Variants in ZNF704 observed in about 807,000 individuals in gnomAD.
The protein encoded by ZNF704 is zinc finger protein 704, also known as glucocorticoid induced gene 1.
ZNF704 carries 10 observed loss-of-function variants against 44.7 expected under a neutral mutation model. The observed-to-expected ratio is 0.22, with a 90% CI of 0.14 to 0.38. The LOEUF is 0.38. Among genes scored for constraint, ZNF704 ranks in the 10% least tolerant of loss-of-function variants. The pLI, the probability that ZNF704 is intolerant of heterozygous loss-of-function variation, is 1.00. For synonymous variants in ZNF704, 211 were observed against 207.6 expected, an observed-to-expected ratio of 1.02 and a Z score of -0.14; for missense variants, 390 against 545.5, an observed-to-expected ratio of 0.71 and a Z score of 2.84.
At chr8:80,701,572 C>T (rs927312082) in intron 2 of ZNF704, among the ~76,000 whole-genome samples, 5 of 152,132 alleles carry the variant, frequency 3.3e-5, no homozygotes, top group Non-Finnish European at 7.3e-5. Flanking sequence ...TGGCCCTTCT[C>T]TATTAATAGG....
At chr8:80,878,499 A>T (rs914988690), upstream of ZNF704, among the ~76,000 whole-genome samples, 1 of 152,236 alleles carries the variant, frequency 6.6e-6, no homozygotes, top group Non-Finnish European at 1.5e-5. Context: ...TGTTGAGATT[A>T]GTAGCTCCTT....
At chr8:80,781,464 C>A (rs1807521960) in intron 2 of ZNF704, among the ~76,000 whole-genome samples, 2 of 152,086 alleles carry the variant, frequency 1.3e-5, no homozygotes, top group African/African-American at 2.4e-5. Context: ...AAATATTATT[C>A]TTCTTTTGAT....
At chr8:80,669,545 T>C (rs1361116953) in intron 5 of ZNF704, among the ~76,000 whole-genome samples, 1 of 152,210 alleles carries the variant, frequency 6.6e-6, no homozygotes. Context: ...CCTCATAGAT[T>C]ACCTTAGAAG....
intron 2 of ZNF704, among the ~76,000 whole-genome samples, chr8:80,775,186 T>C (rs1168360274): frequency 6.6e-6 from 1 of 152,214 alleles, no homozygotes; most frequent in Non-Finnish European, 1.5e-5. Context: ...GTTGGTATTC[T>C]TGCTAAAATT....
chr8:80,651,388 C>G (rs1004005270), intron 7 of ZNF704, among the ~76,000 whole-genome samples: 7 of 152,310 alleles, frequency 4.6e-5, no homozygotes, highest in Non-Finnish European at 7.3e-5. Context: ...GATAAAGAGT[C>G]AAGACCCATC....
intron 1 of ZNF704, chr8:80,873,732 G>T: frequency 6.5e-6 from 1 of 153,170 alleles, no homozygotes. Context: ...ACACGCCCGA[G>T]CCCCCTCCGC....
intron 2 of ZNF704, among the ~76,000 whole-genome samples, chr8:80,812,784 C>T (rs1808110566): frequency 1.3e-5 from 2 of 152,116 alleles, no homozygotes; most frequent in African/African-American, 2.4e-5. Flanking sequence ...ATATAGTTCA[C>T]ATTAAATTTC....
At chr8:80,784,727 C>T (rs144716740) in intron 2 of ZNF704, among the ~76,000 whole-genome samples, 1 of 152,158 alleles carries the variant, frequency 6.6e-6, no homozygotes, top group Admixed American at 6.6e-5. Flanking sequence ...TTTTGCAGAG[C>T]AGAAGTTTTT....
chr8:80,645,079 C>A (rs1325238209), intron 7 of ZNF704: 2 of 1,528,190 alleles, frequency 1.3e-6, no homozygotes, highest in African/African-American at 1.4e-5. Context: ...GTTTTAGGGA[C>A]CAGCTTGGCT....
intron 2 of ZNF704, among the ~76,000 whole-genome samples, chr8:80,714,953 T>G (rs946143836): frequency 6.6e-6 from 1 of 152,172 alleles, no homozygotes; most frequent in African/African-American, 2.4e-5. Flanking sequence ...TCAATTCAAC[T>G]GATTCCATGG....
chr8:80,669,982 C>G (rs1266701851), intron 5 of ZNF704, among the ~76,000 whole-genome samples: 1 of 152,188 alleles, frequency 6.6e-6, no homozygotes, highest in Non-Finnish European at 1.5e-5. Flanking sequence ...ACAGCAGCAT[C>G]GATTGGTGTG....
At chr8:80,837,110 A>G (rs1423352750) in intron 1 of ZNF704, among the ~76,000 whole-genome samples, 1 of 152,236 alleles carries the variant, frequency 6.6e-6, no homozygotes, top group Non-Finnish European at 1.5e-5. Context: ...ATAGATGCCA[A>G]GTTCCTAGGG....
In ZNF704 at chr8:80,800,108, C is replaced by A. The variant is rs551646805; in HGVS notation, c.221+21266G>T. Among the ~76,000 whole-genome samples the A allele has an allele frequency of 1.5e-4, 23 of 152,000 alleles. No homozygotes were observed. The South Asian group carries it at 4.6e-3, about 30-fold the overall frequency. ...ATCTTTCTGAAATAAGACAGGCAGA[C>A]AAGAACAGAGAAAAAATAACGAAAA... is the stretch of plus-strand genomic sequence containing the variant. On this transcript the variant is annotated intron_variant, in intron 2 of 8. Coordinates refer to ENST00000327835, the MANE Select transcript of ZNF704 (RefSeq NM_001033723.3).
chr8:80,883,211 A>C, the ZNF704 span, among the ~76,000 whole-genome samples: 1 of 146,500 alleles, frequency 6.8e-6, no homozygotes, highest in African/African-American at 2.5e-5. Flanking sequence ...ACGCCACTGC[A>C]CTCCAACCTG....
Position 80,823,125 on chromosome 8 carries a change from C to T in ZNF704, c.-21-1510G>A, listed in dbSNP as rs1586053415. ...CAGCCCACAGAGCAGGGTGGGGCAT[C>T]GCCTCATCCGGGAAGTGCAAAGGGT... On this transcript the variant is annotated intron_variant, in intron 1 of 8. Coordinates refer to ENST00000327835, the MANE Select transcript of ZNF704 (RefSeq NM_001033723.3). 7.2e-5 allele frequency among the ~76,000 whole-genome samples: 11 copies of T among 152,248 alleles called. No homozygotes were observed. In the South Asian group the frequency reaches 2.1e-3, roughly 29 times the overall value.
At chr8:80,705,495 T>C (rs1818882127) in intron 2 of ZNF704, among the ~76,000 whole-genome samples, 1 of 151,610 alleles carries the variant, frequency 6.6e-6, no homozygotes, top group African/African-American at 2.4e-5. Flanking sequence ...GGGTCCTCTG[T>C]GTGTGTGTGT....
chr8:80,713,672 A>G (rs975248118), intron 2 of ZNF704, among the ~76,000 whole-genome samples: 1 of 152,236 alleles, frequency 6.6e-6, no homozygotes, highest in African/African-American at 2.4e-5. Context: ...ATAACTTCAA[A>G]TGGTGAGCTT....
At position 80,687,472 on chromosome 8, in the gene ZNF704, A is replaced by C; in HGVS notation, c.326-14T>G. The stretch of plus-strand genomic sequence containing the variant: ...CGCTGAGGCTCTCTGCATGCACACA[A>C]ACACAGTCAGTGCCAGGACCCCTGC... On this transcript the variant is annotated splice_polypyrimidine_tract_variant and intron_variant, in intron 3 of 8. Transcript: ENST00000327835. 6.6e-7 allele frequency: 1 copy of C among 1,514,930 alleles called. No homozygotes were observed. Among genetic ancestry groups the C allele is most frequent in the Non-Finnish European group, 8.9e-7 (1 of 1,129,082 alleles). 93.8% of individuals were successfully genotyped at this position (1,514,930 alleles called of 1,614,324 possible).
chr8:80,651,319 T>C (rs1391353290), intron 7 of ZNF704, among the ~76,000 whole-genome samples: 3 of 152,118 alleles, frequency 2.0e-5, no homozygotes, highest in South Asian at 4.2e-4. Context: ...CATAACAATA[T>C]TAACCTCAAA....
Sources: allele counts gnomAD v4.1 joint callset (sites outside exome capture counted in the v4.1 genomes callset), GRCh38; gene constraint gnomAD v4.1.1; transcripts MANE v1.5; gene names NCBI Gene and HGNC (gene_info 2026-07-23, HGNC 2026-07-21).